Variants in SYT17 observed in about 807,000 individuals in gnomAD.
SYT17 encodes the protein synaptotagmin 17.
SYT17 carries 22 observed loss-of-function variants against 46.7 expected under a neutral mutation model. The ratio of observed to expected loss-of-function variants is 0.47; its 90% CI spans 0.34 to 0.67. The LOEUF (loss-of-function observed/expected upper bound fraction) is 0.67. Among genes scored for constraint, SYT17 ranks in the 30% least tolerant of loss-of-function variants. SYT17 has a pLI of 0.01. For synonymous variants in SYT17, 251 were observed against 248.4 expected (o/e 1.01, Z -0.10); for missense variants, 519 against 612.8 (o/e 0.85, Z 1.62).
chr16:19,248,642 G>A (rs796231824), intron 7 of SYT17, among the ~76,000 whole-genome samples: 19 of 152,186 alleles, frequency 1.2e-4, no homozygotes, highest in African/African-American at 3.1e-4. Context: ...CCAACATGGC[G>A]AAACCCCATC....
At position 19,192,206 on chromosome 16, in the gene SYT17, G is replaced by A. The variant is rs571480789; in HGVS notation, c.951+8059G>A. On this transcript the variant is annotated intron_variant, in intron 5 of 7. Coordinates refer to ENST00000355377, the MANE Select transcript of SYT17 (RefSeq NM_016524.4). ...AGACTTAGGAGGGAGGATCACTTGA[G>A]GCCAGGAGTTCGAAATCAGCCTGGC... is the stretch of plus-strand genomic sequence containing the variant. Among the ~76,000 whole-genome samples, 176 of 152,330 alleles carry A rather than the reference G, an allele frequency of 1.2e-3. No individual in the cohort carries two copies. In the Middle Eastern group the frequency reaches 0.017, roughly 15 times the overall value.
intron 7 of SYT17, chr16:19,249,996 C>T: frequency 6.5e-7 from 1 of 1,536,024 alleles, no homozygotes; most frequent in African/African-American, 1.4e-5. Flanking sequence ...CTCATGGTAT[C>T]AGTCCTTGGA....
chr16:19,169,177 C>T (rs1224095744), intron 1 of SYT17, among the ~76,000 whole-genome samples: 2 of 152,082 alleles, frequency 1.3e-5, no homozygotes, highest in Non-Finnish European at 2.9e-5. Flanking sequence ...GCCAGAGGCG[C>T]GCTGGTGAAG....
At chr16:19,249,063 A>G (rs58276104) in intron 7 of SYT17, among the ~76,000 whole-genome samples, 14,647 of 152,114 alleles carry the variant, frequency 0.096, 1,555 homozygotes, top group East Asian at 0.37. Flanking sequence ...TCACAAGGTC[A>G]GGAGATCAAG....
chr16:19,179,613 G>A (rs879422382), intron 3 of SYT17, among the ~76,000 whole-genome samples: 11 of 152,156 alleles, frequency 7.2e-5, no homozygotes, highest in African/African-American at 1.7e-4. Flanking sequence ...TACAACCACC[G>A]TATAATGTGG....
chr16:19,250,016 C>G, intron 7 of SYT17: 1 of 1,535,864 alleles, frequency 6.5e-7, no homozygotes, highest in Non-Finnish European at 8.7e-7. Context: ...ATACCCTCAC[C>G]TGGAAATGAA....
intron 7 of SYT17, 129 bp downstream of exon 7, chr16:19,224,967 G>C (rs931814844): frequency 9.8e-7 from 1 of 1,015,980 alleles, no homozygotes; most frequent in Non-Finnish European, 1.4e-6. Flanking sequence ...ACCTGGGTTT[G>C]AACCCACTTA....
chr16:19,246,987 T>C (rs1173191347), intron 7 of SYT17, among the ~76,000 whole-genome samples: 2 of 151,978 alleles, frequency 1.3e-5, no homozygotes, highest in Non-Finnish European at 2.9e-5. Flanking sequence ...TCGTGATGCA[T>C]GGGGTGAGGG....
At chr16:19,176,312 A>G (rs565677029) in intron 3 of SYT17, among the ~76,000 whole-genome samples, 28 of 152,218 alleles carry the variant, frequency 1.8e-4, no homozygotes, top group Non-Finnish European at 2.9e-4. Flanking sequence ...TTATGTACCA[A>G]TCACTTTCAC....
At chr16:19,238,549 T>G (rs1966881433) in intron 7 of SYT17, among the ~76,000 whole-genome samples, 1 of 152,192 alleles carries the variant, frequency 6.6e-6, no homozygotes, top group South Asian at 2.1e-4. Context: ...ATCGTACACA[T>G]CCATTATGGG....
At chr16:19,175,061 T>G (rs1258689709) in intron 3 of SYT17, among the ~76,000 whole-genome samples, 2 of 152,034 alleles carry the variant, frequency 1.3e-5, no homozygotes, top group African/African-American at 4.8e-5. Flanking sequence ...CCTAGGAGGT[T>G]GAGGCTACAG....
intron 7 of SYT17, among the ~76,000 whole-genome samples, chr16:19,233,108 C>G (rs548443009): frequency 6.6e-6 from 1 of 152,226 alleles, no homozygotes; most frequent in Non-Finnish European, 1.5e-5. Context: ...TTCCACCTCC[C>G]TCTCGCCCTG....
chr16:19,172,900 C>G, intron 2 of SYT17, 123 bp downstream of exon 2: 1 of 1,226,086 alleles, frequency 8.2e-7, no homozygotes, highest in Admixed American at 2.2e-5. Flanking sequence ...GTGTTAATAA[C>G]GGCACAGTTT....
intron 7 of SYT17, among the ~76,000 whole-genome samples, chr16:19,256,941 C>T (rs1275698108): frequency 6.6e-6 from 1 of 152,072 alleles, no homozygotes; most frequent in African/African-American, 2.4e-5. Context: ...TACTATGCCT[C>T]GTGCTGGCTG....
chr16:19,229,468 T>C (rs570878739), intron 7 of SYT17, among the ~76,000 whole-genome samples: 16 of 152,082 alleles, frequency 1.1e-4, no homozygotes, highest in Non-Finnish European at 1.5e-4. Flanking sequence ...GAGAACTCAC[T>C]CACTATATAG....
chr16:19,223,454 G>A (rs1353152923), intron 6 of SYT17, among the ~76,000 whole-genome samples: 1 of 152,170 alleles, frequency 6.6e-6, no homozygotes, highest in Non-Finnish European at 1.5e-5. Context: ...AGTGTGCATT[G>A]ACTATCCATT....
At chr16:19,210,510 C>G (rs553207818) in intron 5 of SYT17, among the ~76,000 whole-genome samples, 13 of 148,602 alleles carry the variant, frequency 8.7e-5, no homozygotes, top group South Asian at 2.1e-4. Flanking sequence ...TTTTAAATAC[C>G]CTTTTTTTTT....
At chr16:19,249,822 T>G in intron 7 of SYT17, 1 of 1,040,606 alleles carries the variant, frequency 9.6e-7, no homozygotes, top group Admixed American at 2.9e-5. Flanking sequence ...GCATGGTCTG[T>G]TATTGGAGTC....
intron 5 of SYT17, among the ~76,000 whole-genome samples, chr16:19,211,655 C>G (rs1965906670): frequency 6.6e-6 from 1 of 150,938 alleles, no homozygotes; most frequent in African/African-American, 2.4e-5. Flanking sequence ...GAGTCTCGCT[C>G]TGTCGCCGAG....
Sources: gnomAD v4.1 joint callset for allele counts (sites outside exome capture counted in the v4.1 genomes callset) on GRCh38, gnomAD v4.1.1 for gene constraint, MANE v1.5 for transcripts, NCBI Gene and HGNC (gene_info 2026-07-23, HGNC 2026-07-21) for gene names.